Variants in LY75 observed in about 807,000 individuals in gnomAD.
The protein encoded by LY75 is C-type lectin domain family 13 member B.
Under a neutral mutation model 231.7 loss-of-function variants are expected in LY75, and 185 were observed. That is an observed-to-expected ratio of 0.80 (90% CI 0.71 to 0.90). LY75 has a LOEUF of 0.90. Ranked by LOEUF, LY75 falls within the 40% of genes least tolerant of loss-of-function variation. LY75 has a pLI of 0.00. For synonymous variants in LY75, 668 were observed against 689.0 expected (o/e 0.97, Z 0.48); for missense variants, 1,947 against 2,050.2 (o/e 0.95, Z 0.97).
At chr2:159,835,400 T>C in intron 26 of LY75, 80 bp downstream of exon 26, 1 of 1,395,466 alleles carries the variant, frequency 7.2e-7, no homozygotes, top group Non-Finnish European at 9.3e-7. Flanking sequence ...AACCAGATTT[T>C]ATAAAACCAC....
At chr2:159,824,502 C>T (rs1345413321) in intron 28 of LY75, among the ~76,000 whole-genome samples, 1 of 152,124 alleles carries the variant, frequency 6.6e-6, no homozygotes, top group Non-Finnish European at 1.5e-5. Flanking sequence ...GACTTAGGCT[C>T]CTGCACAATA....
chr2:159,853,204 A>C, intron 20 of LY75, 69 bp downstream of exon 20: 1 of 1,468,888 alleles, frequency 6.8e-7, no homozygotes, highest in Non-Finnish European at 9.3e-7. Context: ...AAACAAGATT[A>C]AGCTAGAAAC....
chr2:159,854,481 A>C lies in LY75; in HGVS notation c.2474T>G (p.Phe825Cys). Residue 825 changes from phenylalanine (F) to cysteine (C), a missense_variant, in exon 18 of 35, where the codon TTT becomes TGT. Physicochemically the swap from Phe to Cys is radical, Grantham distance 205. Transcript: ENST00000263636. The part of the protein sequence containing the change: ...PLIIEGSEYW[F>C]VADLHLNYEE... ...ATAGTTTAGGTGAAGATCAGCAACAAACCAATATTCACTTCCTTCAATTAT... is the reference window on the plus strand; with the variant it reads ...ATAGTTTAGGTGAAGATCAGCAACACACCAATATTCACTTCCTTCAATTAT... 1 of 1,613,656 alleles carries C rather than the reference A, an allele frequency of 6.2e-7. No homozygotes were observed. The highest frequency in any genetic ancestry group is 8.5e-7 in the Non-Finnish European group (1 of 1,179,666).
chr2:159,863,324 G>A (rs892795769), intron 14 of LY75, among the ~76,000 whole-genome samples: 5 of 152,046 alleles, frequency 3.3e-5, no homozygotes, highest in Admixed American at 6.6e-5. Flanking sequence ...GCCCAGTAGT[G>A]GGATTGCTGT....
chr2:159,871,108 G>T (rs1363587302), intron 13 of LY75, among the ~76,000 whole-genome samples: 4 of 151,968 alleles, frequency 2.6e-5, no homozygotes, highest in African/African-American at 9.7e-5. Flanking sequence ...GTGTGATATG[G>T]CTATTAATTT....
Position 159,886,520 on chromosome 2 carries a change from G to T in LY75, c.813C>A (p.Gly271=). The T allele has an allele frequency of 6.2e-7, 1 of 1,600,216 alleles. No individual in the cohort carries two copies. The highest frequency in any genetic ancestry group is 8.5e-7 in the Non-Finnish European group (1 of 1,174,818). The stretch of plus-strand genomic sequence containing the variant: ...AACCAATCCAGAAAATCTTAGCAAT[G>T]CCTTCTTTTTCTGTAAGAATTAAAA... ...AELTYLKEKE[G]IAKIFWIGLN... The change falls in exon 5 of 35, where the codon GGC becomes GGA. Residue 271 remains glycine, a synonymous_variant. Coordinates refer to ENST00000263636, the MANE Select transcript of LY75 (RefSeq NM_002349.4).
At chr2:159,831,472 C>T (rs573741432) in intron 28 of LY75, among the ~76,000 whole-genome samples, 198 bp downstream of exon 28, 15 of 152,216 alleles carry the variant, frequency 9.9e-5, no homozygotes, top group African/African-American at 1.9e-4. Flanking sequence ...AATTATTTTC[C>T]GCCATTTAAC....
intron 14 of LY75, 65 bp from the exon 15 acceptor site, chr2:159,860,954 A>AT: frequency 6.3e-7 from 1 of 1,591,868 alleles, no homozygotes; most frequent in East Asian, 2.3e-5. Flanking sequence ...TTTAGATGTA[A>AT]TTTAGGCAGC....
chr2:159,846,094 T>C (rs2125850549), intron 23 of LY75, among the ~76,000 whole-genome samples: 1 of 152,120 alleles, frequency 6.6e-6, no homozygotes, highest in Non-Finnish European at 1.5e-5. Context: ...ATATTGTTTT[T>C]AACAAATGAA....
chr2:159,863,675 C>T (rs1684778458), intron 14 of LY75, among the ~76,000 whole-genome samples: 1 of 152,098 alleles, frequency 6.6e-6, no homozygotes, highest in Non-Finnish European at 1.5e-5. Context: ...GTTTGAGTTC[C>T]TTATCTACAG....
intron 27 of LY75, 105 bp from the exon 28 acceptor site, chr2:159,831,891 T>A (rs938654960): frequency 2.4e-6 from 2 of 848,398 alleles, no homozygotes; most frequent in Non-Finnish European, 3.5e-6. Context: ...TACTTCAAAA[T>A]ATAAACAATA....
chr2:159,865,409 G>T (rs1358141988), intron 13 of LY75, among the ~76,000 whole-genome samples: 1 of 152,014 alleles, frequency 6.6e-6, no homozygotes, highest in Non-Finnish European at 1.5e-5. Context: ...ATGTGCCAAA[G>T]AAATATACCA....
chr2:159,874,850 TATATATATATTTTGTAAATATATATAC>T (rs1220909022), intron 12 of LY75, among the ~76,000 whole-genome samples: 856 of 37,290 alleles, frequency 0.023, 10 homozygotes, highest in South Asian at 0.074. Flanking sequence ...TATATGTAAA[TATATATATATTTTGTAAATATATATAC>T]ATATATATTT....
At chr2:159,884,932 T>C (rs1031652425) in intron 6 of LY75, among the ~76,000 whole-genome samples, 2 of 152,174 alleles carry the variant, frequency 1.3e-5, no homozygotes, top group African/African-American at 4.8e-5. Context: ...TCTGGGCGCA[T>C]ACATATTTAT....
intron 4 of LY75, among the ~76,000 whole-genome samples, chr2:159,888,473 T>C (rs114650939): frequency 1.2e-3 from 182 of 152,354 alleles, no homozygotes; most frequent in Non-Finnish European, 1.9e-3. Context: ...GGGTATATTA[T>C]TTCTAAGGAT....
intron 28 of LY75, among the ~76,000 whole-genome samples, chr2:159,821,758 A>G (rs2125834566): frequency 6.6e-6 from 1 of 152,360 alleles, no homozygotes; most frequent in African/African-American, 2.4e-5. Context: ...AGATGGCCAA[A>G]TAGGAACAAC....
intron 13 of LY75, among the ~76,000 whole-genome samples, chr2:159,866,026 T>G (rs1267914754): frequency 1.3e-5 from 2 of 152,188 alleles, no homozygotes; most frequent in African/African-American, 4.8e-5. Flanking sequence ...TTCCACATAA[T>G]TTAACCTTTT....
chr2:159,833,957 G>A, intron 27 of LY75, 87 bp downstream of exon 27: 1 of 1,434,178 alleles, frequency 7.0e-7, no homozygotes, highest in Non-Finnish European at 9.3e-7. Context: ...GGAACTGTGA[G>A]GCCATTAAAC....
chr2:159,890,130 A>C (rs1315447328), intron 4 of LY75, 83 bp downstream of exon 4: 1 of 1,523,246 alleles, frequency 6.6e-7, no homozygotes, highest in Non-Finnish European at 8.8e-7. Context: ...CATACAAAGA[A>C]ACACATCTGG....
Sources: allele counts gnomAD v4.1 joint callset (sites outside exome capture counted in the v4.1 genomes callset), GRCh38; gene constraint gnomAD v4.1.1; transcripts MANE v1.5; gene names NCBI Gene and HGNC (gene_info 2026-07-23, HGNC 2026-07-21).